Variants in ARHGAP15 observed in about 807,000 individuals in gnomAD.
The protein encoded by ARHGAP15 is Rho GTPase activating protein 15.
In ARHGAP15, 51 loss-of-function variants were observed where a neutral mutation model predicts 63.7. That is an observed-to-expected ratio of 0.80 (90% CI 0.64 to 1.01). The LOEUF (loss-of-function observed/expected upper bound fraction) is 1.01, where lower values mean the gene tolerates loss of function less well. Among genes scored for constraint, ARHGAP15 ranks in the 50% least tolerant of loss-of-function variants. The pLI is 0.00. For missense variants in ARHGAP15, 560 were observed against 564.6 expected (o/e 0.99, Z 0.08); for synonymous variants, 191 against 193.8 (o/e 0.99, Z 0.12).
At chr2:143,346,818 G>C (rs1370671176) in intron 6 of ARHGAP15, among the ~76,000 whole-genome samples, 2 of 152,012 alleles carry the variant, frequency 1.3e-5, no homozygotes, top group African/African-American at 2.4e-5. Context: ...CTGACTGAAA[G>C]AGATAAATTA....
At chr2:143,189,707 C>T (rs1338414067) in intron 2 of ARHGAP15, among the ~76,000 whole-genome samples, 1 of 151,926 alleles carries the variant, frequency 6.6e-6, no homozygotes, top group South Asian at 2.1e-4. Flanking sequence ...AGTGATCCAC[C>T]CACCTCAGCC....
At chr2:143,587,664 C>T in intron 11 of ARHGAP15, 1 of 462,578 alleles carries the variant, frequency 2.2e-6, no homozygotes, top group South Asian at 1.6e-5. Context: ...CCTTCCTTTC[C>T]TTTGTCTTCT....
intron 8 of ARHGAP15, among the ~76,000 whole-genome samples, chr2:143,438,909 TC>T: frequency 6.6e-6 from 1 of 152,276 alleles, no homozygotes; most frequent in East Asian, 1.9e-4. Context: ...TTAAGATGTT[TC>T]TAAAACCTGA....
chr2:143,586,053 T>G (rs1394821668), intron 11 of ARHGAP15, among the ~76,000 whole-genome samples: 1 of 152,260 alleles, frequency 6.6e-6, no homozygotes, highest in East Asian at 1.9e-4. Context: ...TAAAATAATA[T>G]ATCTATATTT....
chr2:143,217,526 GA>G (rs1692802287), intron 4 of ARHGAP15, among the ~76,000 whole-genome samples: 1 of 152,160 alleles, frequency 6.6e-6, no homozygotes, highest in East Asian at 1.9e-4. Context: ...AAGAGTTCAG[GA>G]GAGAGATGCA....
chr2:143,667,146 A>G (rs1367007284), intron 12 of ARHGAP15, among the ~76,000 whole-genome samples: 5 of 150,774 alleles, frequency 3.3e-5, no homozygotes, highest in South Asian at 2.1e-4. Context: ...CATTATTCAC[A>G]ATAGCAAAGA....
chr2:143,253,114 A>C (rs1284993696), intron 6 of ARHGAP15, among the ~76,000 whole-genome samples: 4 of 152,098 alleles, frequency 2.6e-5, no homozygotes, highest in Non-Finnish European at 2.9e-5. Context: ...TATGAATTAT[A>C]GATTACAGAT....
At chr2:143,535,595 G>A (rs936386733) in intron 10 of ARHGAP15, among the ~76,000 whole-genome samples, 1 of 152,106 alleles carries the variant, frequency 6.6e-6, no homozygotes, top group Non-Finnish European at 1.5e-5. Flanking sequence ...ATTAACTTAC[G>A]TTGGGAACCA....
intron 12 of ARHGAP15, chr2:143,676,101 T>C (rs1278910903): frequency 1.9e-5 from 3 of 158,304 alleles, no homozygotes; most frequent in African/African-American, 7.2e-5. Context: ...TTTTAAAACC[T>C]CATGAAGCAA....
intron 6 of ARHGAP15, among the ~76,000 whole-genome samples, chr2:143,292,356 T>G (rs1393530802): frequency 6.6e-6 from 1 of 152,276 alleles, no homozygotes; most frequent in Non-Finnish European, 1.5e-5. Context: ...GATGCCAATA[T>G]TACTCAATTA....
intron 2 of ARHGAP15, among the ~76,000 whole-genome samples, chr2:143,165,971 A>G (rs936429423): frequency 7.5e-6 from 1 of 132,622 alleles, no homozygotes; most frequent in African/African-American, 3.0e-5. Context: ...AGAAAGAAAG[A>G]AAGAAAGAAA....
chr2:143,635,631 G>T (rs945593483), intron 12 of ARHGAP15, among the ~76,000 whole-genome samples: 1 of 152,068 alleles, frequency 6.6e-6, no homozygotes, highest in Non-Finnish European at 1.5e-5. Flanking sequence ...GGGGCATTCT[G>T]CTCATGTTGG....
Position 143,768,254 on chromosome 2 carries a change from T to C in ARHGAP15, c.*82T>C. ...CATTTCTGTAAACATATTTCTGAAA[T>C]ATTTTTTGCCTTTCAAGCGACAGAT... On this transcript the variant is annotated 3_prime_UTR_variant, in exon 14 of 14. Transcript: ENST00000295095. 1 of 1,422,508 alleles carries C rather than the reference T, an allele frequency of 7.0e-7. No homozygotes were observed. The highest frequency in any genetic ancestry group is 1.4e-5 in the African/African-American group (1 of 69,258). The allele number at this position is 1,422,508 out of a possible 1,614,324, so 88.1% of individuals were successfully genotyped here. A position where few individuals can be genotyped will look rare whatever the true frequency, so the allele number is the denominator to read the frequency against.
chr2:143,131,318 C>T (rs575360306), intron 1 of ARHGAP15, among the ~76,000 whole-genome samples: 2 of 152,202 alleles, frequency 1.3e-5, no homozygotes, highest in South Asian at 4.1e-4. Flanking sequence ...AATTCTATTA[C>T]TTTATATGTT....
chr2:143,159,578 G>A (rs1690212283), intron 2 of ARHGAP15, among the ~76,000 whole-genome samples: 1 of 151,922 alleles, frequency 6.6e-6, no homozygotes, highest in South Asian at 2.1e-4. Flanking sequence ...TATTGGTTTT[G>A]TGCAAAAATA....
At chr2:143,165,505 G>C (rs974088207) in intron 2 of ARHGAP15, among the ~76,000 whole-genome samples, 2 of 152,054 alleles carry the variant, frequency 1.3e-5, no homozygotes, top group Non-Finnish European at 2.9e-5. Context: ...TGACAGTTTT[G>C]TTTGCTCTAA....
In ARHGAP15 at chr2:143,250,539, A is replaced by G; in HGVS notation, c.413A>G (p.Asp138Gly). 1.2e-6 allele frequency: 2 copies of G among 1,613,470 alleles called. No individual in the cohort carries two copies. The highest frequency in any genetic ancestry group is 1.7e-6 in the Non-Finnish European group (2 of 1,179,524). Reference protein sequence around the residue: ...MKTGHKPESVDLCGAHIEWAK... With the variant: ...MKTGHKPESVGLCGAHIEWAK... ...ACTGGGCACAAACCAGAAAGTGTGG[A>G]TTTGTGTGGAGCACACATTGAATGG... Residue 138 changes from aspartate to glycine, a missense_variant, in exon 6 of 14, where the codon GAT becomes GGT. By Grantham distance (94) the Asp-to-Gly change is moderately conservative. Transcript: ENST00000295095.
At chr2:143,282,305 A>C (rs1311198415) in intron 6 of ARHGAP15, among the ~76,000 whole-genome samples, 1 of 152,062 alleles carries the variant, frequency 6.6e-6, no homozygotes, top group Non-Finnish European at 1.5e-5. Context: ...TTGGTGTATT[A>C]GTTTGTTTGC....
At chr2:143,294,333 A>G (rs1462683848) in intron 6 of ARHGAP15, among the ~76,000 whole-genome samples, 1 of 152,106 alleles carries the variant, frequency 6.6e-6, no homozygotes, top group Non-Finnish European at 1.5e-5. Context: ...TAACTTTTTC[A>G]AGACTGGTAG....
Sources: allele counts gnomAD v4.1 joint callset (sites outside exome capture counted in the v4.1 genomes callset), GRCh38; gene constraint gnomAD v4.1.1; transcripts MANE v1.5; gene names NCBI Gene and HGNC (gene_info 2026-07-23, HGNC 2026-07-21).